PRKD1: variants seen among roughly 807,000 people sequenced by gnomAD.
PRKD1 encodes the protein protein kinase D1.
Under a neutral mutation model 95.9 loss-of-function variants are expected in PRKD1, and 63 were observed. The ratio of observed to expected loss-of-function variants is 0.66; its 90% CI spans 0.54 to 0.81. The LOEUF (loss-of-function observed/expected upper bound fraction) is 0.81. Among genes scored for constraint, PRKD1 ranks in the 30% least tolerant of loss-of-function variants. The pLI is 0.00. For missense variants in PRKD1, 1,048 were observed against 1,165.3 expected (o/e 0.90, Z 1.47); for synonymous variants, 425 against 423.1 (o/e 1.00, Z -0.05).
rs1389097664 is a variant in PRKD1 at position 29,839,185 on chromosome 14, G to A, written c.264+88064C>T. On this transcript the variant is annotated intron_variant, in intron 1 of 17. Transcript: ENST00000331968. ...ACAGACATTTCAAGTGGTTCAACTT[G>A]CACAATTCTTACTGAAAAATTAAAG... is the stretch of plus-strand genomic sequence containing the variant. Among the ~76,000 whole-genome samples, 3 of 152,122 alleles carry A rather than the reference G, an allele frequency of 2.0e-5. No individual in the cohort carries two copies. In the East Asian group the frequency reaches 5.8e-4, roughly 29 times the overall value.
chr14:29,850,785 AAAG>A (rs1892278050), intron 1 of PRKD1, among the ~76,000 whole-genome samples: 1 of 152,140 alleles, frequency 6.6e-6, no homozygotes, highest in African/African-American at 2.4e-5. Context: ...TCCTAAGCAA[AAAG>A]AACAAAGCCA....
At chr14:29,659,136 C>A (rs534520131) in intron 4 of PRKD1, among the ~76,000 whole-genome samples, 2 of 152,230 alleles carry the variant, frequency 1.3e-5, no homozygotes, top group South Asian at 2.1e-4. Context: ...TGCCAGCATC[C>A]TAGAAAGCTC....
At chr14:29,800,758 A>G (rs1889995106) in intron 1 of PRKD1, among the ~76,000 whole-genome samples, 1 of 152,190 alleles carries the variant, frequency 6.6e-6, no homozygotes, top group Non-Finnish European at 1.5e-5. Flanking sequence ...TTCCCTGGAC[A>G]GCTATAATGT....
At chr14:29,683,714 A>G (rs967185753) in intron 2 of PRKD1, among the ~76,000 whole-genome samples, 1 of 152,226 alleles carries the variant, frequency 6.6e-6, no homozygotes, top group African/African-American at 2.4e-5. Context: ...AAATAGTACA[A>G]TGTAACATTA....
chr14:29,664,722 A>G (rs1200147172), intron 3 of PRKD1, among the ~76,000 whole-genome samples: 2 of 152,212 alleles, frequency 1.3e-5, no homozygotes, highest in African/African-American at 4.8e-5. Flanking sequence ...TCCAAAGAGA[A>G]TAGAGTACAA....
intron 1 of PRKD1, among the ~76,000 whole-genome samples, chr14:29,809,623 T>C (rs575304237): frequency 6.6e-6 from 1 of 152,350 alleles, no homozygotes; most frequent in East Asian, 1.9e-4. Flanking sequence ...CTTTCAACTT[T>C]TCTTCTGTAG....
At chr14:29,633,665 C>T (rs1445460890) in intron 8 of PRKD1, among the ~76,000 whole-genome samples, 3 of 152,136 alleles carry the variant, frequency 2.0e-5, no homozygotes, top group Non-Finnish European at 4.4e-5. Context: ...TCCTCCACAA[C>T]CAATTTTAGG....
At chr14:29,868,130 G>A (rs1892975395) in intron 1 of PRKD1, among the ~76,000 whole-genome samples, 1 of 152,070 alleles carries the variant, frequency 6.6e-6, no homozygotes, top group East Asian at 1.9e-4. Flanking sequence ...CCTTATGTCT[G>A]GCCAAGTGTG....
At chr14:29,595,574 G>C (rs139067126) in intron 16 of PRKD1, among the ~76,000 whole-genome samples, 1 of 152,036 alleles carries the variant, frequency 6.6e-6, no homozygotes, top group Admixed American at 6.6e-5. Flanking sequence ...TAGTCCTCCG[G>C]TGTCTATTAC....
chr14:29,838,146 TA>T (rs1307233367), intron 1 of PRKD1, among the ~76,000 whole-genome samples: 4 of 152,208 alleles, frequency 2.6e-5, no homozygotes, highest in African/African-American at 9.6e-5. Flanking sequence ...CTGATTTTTA[TA>T]ATACCTTTAG....
chr14:29,843,980 C>A (rs1203971279), intron 1 of PRKD1, among the ~76,000 whole-genome samples: 1 of 152,148 alleles, frequency 6.6e-6, no homozygotes, highest in East Asian at 1.9e-4. Flanking sequence ...AATATAATCT[C>A]ATTTATCATC....
chr14:29,702,199 T>C (rs1249358365), intron 2 of PRKD1, among the ~76,000 whole-genome samples: 2 of 152,176 alleles, frequency 1.3e-5, no homozygotes, highest in Admixed American at 6.6e-5. Flanking sequence ...TCTCTGATGA[T>C]TTATGGTTTA....
chr14:29,782,505 G>C (rs1321810990), intron 1 of PRKD1, among the ~76,000 whole-genome samples: 1 of 151,920 alleles, frequency 6.6e-6, no homozygotes, highest in East Asian at 1.9e-4. Context: ...TTATTCTAAT[G>C]TAATAGTTAA....
At chr14:29,703,909 A>G (rs1884958530) in intron 2 of PRKD1, among the ~76,000 whole-genome samples, 1 of 152,176 alleles carries the variant, frequency 6.6e-6, no homozygotes, top group Non-Finnish European at 1.5e-5. Flanking sequence ...CAAAACACAT[A>G]CAGAGTTGTT....
chr14:29,741,143 A>T (rs376348352), intron 1 of PRKD1, among the ~76,000 whole-genome samples: 3 of 152,210 alleles, frequency 2.0e-5, no homozygotes, highest in African/African-American at 7.2e-5. Context: ...GGAGCAGAAA[A>T]AAAATAACGA....
intron 1 of PRKD1, among the ~76,000 whole-genome samples, chr14:29,792,992 G>A (rs1889615285): frequency 6.6e-6 from 1 of 151,830 alleles, no homozygotes; most frequent in African/African-American, 2.4e-5. Context: ...TGGCAAAATA[G>A]AGATAGCTAC....
intron 2 of PRKD1, among the ~76,000 whole-genome samples, chr14:29,718,860 A>G (rs1038910064): frequency 6.6e-6 from 1 of 152,160 alleles, no homozygotes; most frequent in African/African-American, 2.4e-5. Flanking sequence ...AACAAAAACT[A>G]TATCTATGCA....
chr14:29,782,985 A>G (rs1203079839), intron 1 of PRKD1, among the ~76,000 whole-genome samples: 1 of 152,220 alleles, frequency 6.6e-6, no homozygotes, highest in Non-Finnish European at 1.5e-5. Context: ...CACCTCAAAC[A>G]TTTGTTTCTT....
chr14:29,848,743 T>C (rs1382544170), intron 1 of PRKD1, among the ~76,000 whole-genome samples: 2 of 151,368 alleles, frequency 1.3e-5, no homozygotes, highest in East Asian at 3.9e-4. Flanking sequence ...AGAAACTGTC[T>C]GCAAAAAACA....
Sources: gnomAD v4.1 joint callset for allele counts (sites outside exome capture counted in the v4.1 genomes callset) on GRCh38, gnomAD v4.1.1 for gene constraint, MANE v1.5 for transcripts, NCBI Gene and HGNC (gene_info 2026-07-23, HGNC 2026-07-21) for gene names.